LRRN1: variants seen among roughly 807,000 people sequenced by gnomAD.
LRRN1 encodes leucine-rich repeat neuronal protein 1.
Under a neutral mutation model 45.8 loss-of-function variants are expected in LRRN1, and 14 were observed. The ratio of observed to expected loss-of-function variants is 0.31; its 90% confidence interval spans 0.20 to 0.48. LRRN1 has a LOEUF of 0.48. Ranked by LOEUF, LRRN1 falls within the 20% of genes least tolerant of loss-of-function variation. LRRN1 has a pLI of 0.99. For missense variants in LRRN1, 789 were observed against 874.2 expected (o/e 0.90, Z 1.23); for synonymous variants, 359 against 330.1 (o/e 1.09, Z -0.95).
At chr3:3,840,658 G>A (rs142876089) in intron 1 of LRRN1, among the ~76,000 whole-genome samples, 13 of 152,294 alleles carry the variant, frequency 8.5e-5, no homozygotes, top group Non-Finnish European at 1.9e-4. Context: ...CTTCTAGGAT[G>A]TGGAGAGGAA....
Position 3,846,736 on chromosome 3 carries a change from T to C in LRRN1, c.2095T>C (p.Ser699Pro). 6.2e-7 allele frequency: 1 copy of C among 1,613,882 alleles called. No homozygotes were observed. Among genetic ancestry groups the C allele is most frequent in the Non-Finnish European group, 8.5e-7 (1 of 1,179,968 alleles). ...TGACAGCGAGAAAGACAAAGATGGT[T>C]CTGCAGACACCAAGCCAACCCAGGT... The part of the protein sequence containing the change: ...EGDSEKDKDG[S>P]ADTKPTQVDT... Residue 699 changes from serine to proline, a missense_variant, in exon 2 of 2, where the codon TCT (serine) becomes CCT (proline). By Grantham distance (74) the Ser-to-Pro change is moderately conservative. Coordinates refer to ENST00000319331, the MANE Select transcript of LRRN1 (RefSeq NM_020873.7). This position sits in a 1 kb window ranked among gnomAD's most constrained non-coding sequence, Gnocchi z 5.7.
intron 1 of LRRN1, among the ~76,000 whole-genome samples, chr3:3,807,733 CAT>C (rs924535012): frequency 6.6e-5 from 10 of 152,258 alleles, no homozygotes; most frequent in Admixed American, 3.9e-4. Context: ...TTCCAGGACA[CAT>C]GTGGAATCTA....
At chr3:3,819,710 C>A (rs755201364) in intron 1 of LRRN1, among the ~76,000 whole-genome samples, 2 of 152,190 alleles carry the variant, frequency 1.3e-5, no homozygotes, top group Non-Finnish European at 1.5e-5. Context: ...CTGCAATGAC[C>A]CTGTTTCCAA....
chr3:3,824,130 C>G (rs992071299), intron 1 of LRRN1, among the ~76,000 whole-genome samples: 1 of 152,200 alleles, frequency 6.6e-6, no homozygotes, highest in African/African-American at 2.4e-5. Context: ...CCATGACTTA[C>G]TAGCTCACTT....
At chr3:3,815,855 G>T (rs1381907670) in intron 1 of LRRN1, among the ~76,000 whole-genome samples, 35 of 152,068 alleles carry the variant, frequency 2.3e-4, no homozygotes, top group Non-Finnish European at 2.9e-5. Flanking sequence ...AGACATATAT[G>T]ATTGCACTGC....
intron 1 of LRRN1, among the ~76,000 whole-genome samples, chr3:3,801,865 C>T (rs899872253): frequency 2.6e-5 from 4 of 152,226 alleles, no homozygotes; most frequent in Non-Finnish European, 5.9e-5. Context: ...TAACCCACTT[C>T]TGGCGGCTTG....
At position 3,844,779 on chromosome 3, in the gene LRRN1, A is replaced by C; in HGVS notation, c.138A>C (p.Pro46=). The change falls in exon 2 of 2, where the codon CCA becomes CCC. Residue 46 remains proline (P), a synonymous_variant. Transcript: ENST00000319331. ...GTGAAATTCGTCCCTGGTTTACCCC[A>C]CAGTCAACTTACAGAGAAGCCACCA... ...CVCEIRPWFT[P]QSTYREATTV... The C allele has an allele frequency of 6.2e-7, 1 of 1,614,150 alleles. No homozygotes were observed. The highest frequency in any genetic ancestry group is 8.5e-7 in the Non-Finnish European group (1 of 1,180,000).
chr3:3,831,046 C>T (rs1425712169), intron 1 of LRRN1, among the ~76,000 whole-genome samples: 2 of 152,210 alleles, frequency 1.3e-5, no homozygotes, highest in Non-Finnish European at 2.9e-5. Context: ...CATTGGGTCT[C>T]CTGGGTCATA....
At chr3:3,837,751 G>T (rs892884376) in intron 1 of LRRN1, among the ~76,000 whole-genome samples, 2 of 151,288 alleles carry the variant, frequency 1.3e-5, no homozygotes, top group Non-Finnish European at 2.9e-5. Flanking sequence ...AAAGCTCCAG[G>T]GTACCTGTGC....
At position 3,846,573 on chromosome 3, in the gene LRRN1, C is replaced by T. The variant is rs1168008214; in HGVS notation, c.1932C>T (p.Ser644=). The change falls in exon 2 of 2, where the codon AGC becomes AGT. Residue 644 remains serine (S), a synonymous_variant. Coordinates refer to ENST00000319331, the MANE Select transcript of LRRN1 (RefSeq NM_020873.7). The surrounding 1 kb of genome is among the most constrained non-coding windows in gnomAD (Gnocchi z 5.7). Reference sequence around the variant, plus strand: ...TGGGGTCTATGTTTGCCGTCATTAGCCTTGCGTCCATTGCTGTGTACTTTG... The same window carrying T: ...TGGGGTCTATGTTTGCCGTCATTAGTCTTGCGTCCATTGCTGTGTACTTTG... ...AVMGSMFAVI[S]LASIAVYFAK... is the part of the protein sequence containing the mutation. 2 of 1,614,088 alleles carry T rather than the reference C, an allele frequency of 1.2e-6. No individual in the cohort carries two copies. The highest frequency in any genetic ancestry group is 1.7e-6 in the Non-Finnish European group (2 of 1,180,022).
At chr3:3,833,744 A>G (rs1559301750) in intron 1 of LRRN1, among the ~76,000 whole-genome samples, 1 of 152,182 alleles carries the variant, frequency 6.6e-6, no homozygotes, top group East Asian at 1.9e-4. Context: ...GTCTCCTCAG[A>G]CAAAGGCGGA....
chr3:3,807,060 C>G (rs555251278), intron 1 of LRRN1, among the ~76,000 whole-genome samples: 1 of 152,306 alleles, frequency 6.6e-6, no homozygotes, highest in Admixed American at 6.5e-5. Context: ...ACTCAGCATG[C>G]TAGCTCTTGG....
At chr3:3,844,082 G>C (rs1042501061) in intron 1 of LRRN1, among the ~76,000 whole-genome samples, 1 of 152,064 alleles carries the variant, frequency 6.6e-6, no homozygotes, top group African/African-American at 2.4e-5. Flanking sequence ...GACTTTACAT[G>C]TGTATACATA....
rs1692989854 is a variant in LRRN1 at position 3,816,570 on chromosome 3, A to C, written c.-279+16651A>C. Reference sequence around the variant, plus strand: ...AATATTCCAATATGAGTTCATTATTAGGGCCTTGAAGAAAACTATGTCTTA... The same window carrying C: ...AATATTCCAATATGAGTTCATTATTCGGGCCTTGAAGAAAACTATGTCTTA... On this transcript the variant is annotated intron_variant, in intron 1 of 1. Coordinates refer to ENST00000319331, the MANE Select transcript of LRRN1 (RefSeq NM_020873.7). The surrounding 1 kb of genome is among the most constrained non-coding windows in gnomAD (Gnocchi z 4.0). 1.3e-5 allele frequency among the ~76,000 whole-genome samples: 2 copies of C among 152,220 alleles called. No homozygotes were observed. Among genetic ancestry groups the C allele is most frequent in the Non-Finnish European group, 2.9e-5 (2 of 68,038 alleles).
At chr3:3,826,708 C>T (rs996197427) in intron 1 of LRRN1, among the ~76,000 whole-genome samples, 1 of 151,996 alleles carries the variant, frequency 6.6e-6, no homozygotes, top group Non-Finnish European at 1.5e-5. Context: ...ATGTGTGAAC[C>T]AGGAACATAA....
chr3:3,824,754 G>A (rs114725854), intron 1 of LRRN1, among the ~76,000 whole-genome samples: 2 of 152,290 alleles, frequency 1.3e-5, no homozygotes, highest in Non-Finnish European at 2.9e-5. Context: ...CCCTGCCCTC[G>A]TGGCAAAGAA....
At position 3,844,669 on chromosome 3, in the gene LRRN1, G is replaced by A. The variant is rs1693719540; in HGVS notation, c.28G>A (p.Ala10Thr). 6.2e-7 allele frequency: 1 copy of A among 1,613,174 alleles called. No homozygotes were observed. Among genetic ancestry groups the A allele is most frequent in the African/African-American group, 1.3e-5 (1 of 75,042 alleles). The change falls in exon 2 of 2, where the codon GCT (alanine) becomes ACT (threonine). Residue 10 changes from alanine (A) to threonine (T), a missense_variant. Physicochemically the swap from Ala to Thr is moderately conservative, Grantham distance 58 (BLOSUM62 0). Transcript: ENST00000319331. MARMSFVIA[A>T]CQLVLGLLMT... ...GGCTAGGATGAGCTTTGTTATAGCA[G>A]CTTGCCAATTGGTGCTGGGCCTACT...
intron 1 of LRRN1, among the ~76,000 whole-genome samples, chr3:3,810,631 C>T (rs1376567654): frequency 6.6e-6 from 1 of 152,180 alleles, no homozygotes. Flanking sequence ...CACCTGAACC[C>T]AGGAGATTCA....
intron 1 of LRRN1, among the ~76,000 whole-genome samples, chr3:3,837,716 T>A (rs534704744): frequency 2.0e-5 from 3 of 152,062 alleles, no homozygotes; most frequent in Non-Finnish European, 4.4e-5. Flanking sequence ...TTCTTTTTTT[T>A]TAATTAATTT....
Sources: allele counts gnomAD v4.1 joint callset (sites outside exome capture counted in the v4.1 genomes callset), GRCh38; gene constraint gnomAD v4.1.1; non-coding constraint Gnocchi (gnomAD v3.1); transcripts MANE v1.5; gene names NCBI Gene and HGNC (gene_info 2026-07-23, HGNC 2026-07-21).